The following ANKRD46 variants were observed in gnomAD, a reference collection of about 807,000 sequenced individuals.
ANKRD46 encodes the protein ankyrin repeat domain-containing protein 46.
Under a neutral mutation model 19.8 loss-of-function variants are expected in ANKRD46, and 13 were observed. That is an observed-to-expected ratio of 0.66 (90% CI 0.43 to 1.04). The LOEUF (loss-of-function observed/expected upper bound fraction) is 1.04. Ranked by LOEUF, ANKRD46 falls within the 50% of genes least tolerant of loss-of-function variation. The pLI is 0.00. For synonymous variants in ANKRD46, 91 were observed against 106.9 expected, an observed-to-expected ratio of 0.85 and a Z score of 0.92; for missense variants, 185 against 274.8, an observed-to-expected ratio of 0.67 and a Z score of 2.31.
At position 100,550,221 on chromosome 8, in the gene ANKRD46, T is replaced by G. The variant is rs1434580278; in HGVS notation, c.-131+9490A>C. ...CTGGATGGTAAGAGTATGTTTAGTT[T>G]TTTTAAGAAACCACCAAATTGTCTC... On this transcript the variant is annotated intron_variant, in intron 1 of 4. Transcript: ENST00000335659. The surrounding 1 kb of genome is among the most constrained non-coding windows in gnomAD (Gnocchi z 4.4). Among the ~76,000 whole-genome samples, 1 of 152,226 alleles carries G rather than the reference T, an allele frequency of 6.6e-6. No individual in the cohort carries two copies. Among genetic ancestry groups the G allele is most frequent in the East Asian group, 1.9e-4 (1 of 5,204 alleles).
chr8:100,517,825 T>C (rs1022182440), downstream of ANKRD46, among the ~76,000 whole-genome samples: 2 of 152,234 alleles, frequency 1.3e-5, no homozygotes, highest in Admixed American at 6.5e-5. Flanking sequence ...CCCCAAATGT[T>C]CTATTAACTT....
chr8:100,513,816 C>T (rs974613486), intron 5 of ANKRD46, among the ~76,000 whole-genome samples: 1 of 152,196 alleles, frequency 6.6e-6, no homozygotes, highest in East Asian at 1.9e-4. Flanking sequence ...AAACTTGAAT[C>T]ACAGTCTAAA....
intron 1 of ANKRD46, among the ~76,000 whole-genome samples, chr8:100,553,416 T>G (rs1285674939): frequency 6.6e-6 from 1 of 152,230 alleles, no homozygotes; most frequent in Non-Finnish European, 1.5e-5. Context: ...CTATATAAAC[T>G]GTTTCAACAA....
downstream of ANKRD46, among the ~76,000 whole-genome samples, chr8:100,516,119 G>C (rs1021123833): frequency 2.0e-5 from 3 of 152,082 alleles, no homozygotes; most frequent in African/African-American, 4.8e-5. Flanking sequence ...TGATCCACCC[G>C]CCTCGGCCTC....
rs1215615903 is a variant in ANKRD46 at position 100,557,808 on chromosome 8, G to T, written c.-131+1903C>A. On this transcript the variant is annotated intron_variant, in intron 1 of 4. Transcript: ENST00000335659. The surrounding 1 kb of genome is among the most constrained non-coding windows in gnomAD (Gnocchi z 5.9). ...GGCGGTCCCCAACGCCTTCAGTTTTGCTTGAGTCTTTTCCATGGCACCAGT... is the reference window on the plus strand; with the variant it reads ...GGCGGTCCCCAACGCCTTCAGTTTTTCTTGAGTCTTTTCCATGGCACCAGT... Among the ~76,000 whole-genome samples the T allele has an allele frequency of 2.6e-5, 4 of 152,204 alleles. No homozygotes were observed. The highest frequency in any genetic ancestry group is 9.7e-5 in the African/African-American group (4 of 41,444).
chr8:100,558,638 A>G (rs1429840918), intron 1 of ANKRD46, among the ~76,000 whole-genome samples: 4 of 152,210 alleles, frequency 2.6e-5, no homozygotes, highest in African/African-American at 9.6e-5. Context: ...CCTGAGAGAA[A>G]TCAGTTCAGG....
At chr8:100,517,492 G>A (rs148068421), downstream of ANKRD46, among the ~76,000 whole-genome samples, 67 of 152,324 alleles carry the variant, frequency 4.4e-4, no homozygotes, top group South Asian at 6.8e-3. Context: ...GTGTTGGGTA[G>A]CAAGGAACTC....
chr8:100,514,396 A>G (rs1044584976), intron 5 of ANKRD46, among the ~76,000 whole-genome samples: 5 of 152,282 alleles, frequency 3.3e-5, no homozygotes, highest in African/African-American at 1.2e-4. Flanking sequence ...GAGATTTACT[A>G]TTGTGCATTT....
In ANKRD46 at chr8:100,536,920, G is replaced by A. The variant is rs1812075154; in HGVS notation, c.-130-3609C>T. Among the ~76,000 whole-genome samples the A allele has an allele frequency of 6.6e-6, 1 of 152,212 alleles. No individual in the cohort carries two copies. The highest frequency in any genetic ancestry group is 2.4e-5 in the African/African-American group (1 of 41,450). ...GCACTGCCTGAGAGACTTGAAGATG[G>A]AGTCATTTATCCTTTCACATGACGC... On this transcript the variant is annotated intron_variant, in intron 1 of 4. Transcript: ENST00000335659. The surrounding 1 kb of genome is among the most constrained non-coding windows in gnomAD (Gnocchi z 4.9).
intron 5 of ANKRD46, among the ~76,000 whole-genome samples, chr8:100,512,043 A>G (rs1417008915): frequency 6.6e-6 from 1 of 152,168 alleles, no homozygotes; most frequent in Non-Finnish European, 1.5e-5. Flanking sequence ...GAACAAAAAG[A>G]CAATAAAGAA....
chr8:100,520,563 T>G (rs116385174), downstream of ANKRD46, among the ~76,000 whole-genome samples: 1,756 of 152,230 alleles, frequency 0.012, 37 homozygotes, highest in African/African-American at 0.04. Flanking sequence ...TTGTGGTAGT[T>G]ATGATCATCA....
At chr8:100,513,467 T>A (rs1811581384) in intron 5 of ANKRD46, among the ~76,000 whole-genome samples, 1 of 152,248 alleles carries the variant, frequency 6.6e-6, no homozygotes, top group Non-Finnish European at 1.5e-5. Flanking sequence ...AGGTTCCTAT[T>A]ATTTGTTTTA....
At chr8:100,535,980 A>G (rs747738055) in intron 1 of ANKRD46, among the ~76,000 whole-genome samples, 10 of 151,770 alleles carry the variant, frequency 6.6e-5, no homozygotes, top group Non-Finnish European at 1.3e-4. Context: ...GAAGATGTCT[A>G]TTTCCCCCAT....
intron 1 of ANKRD46, among the ~76,000 whole-genome samples, chr8:100,541,867 CAGTAT>C (rs1812181805): frequency 6.6e-6 from 1 of 152,152 alleles, no homozygotes; most frequent in African/African-American, 2.4e-5. Flanking sequence ...ATATTTGCCA[CAGTAT>C]TAAAACTGCC....
In ANKRD46 at chr8:100,545,248, AT is replaced by A. The variant is rs1225640760; in HGVS notation, c.-130-11938del. Among the ~76,000 whole-genome samples, 1 of 152,084 alleles carries A rather than the reference AT, an allele frequency of 6.6e-6. No homozygotes were observed. The highest frequency in any genetic ancestry group is 1.5e-5 in the Non-Finnish European group (1 of 68,008). On this transcript the variant is annotated intron_variant, in intron 1 of 4. Transcript: ENST00000335659. The surrounding 1 kb of genome is among the most constrained non-coding windows in gnomAD (Gnocchi z 4.7). ...GCTGAGGTGGGAGGATAGTGATTTA[AT>A]TTGGCTTTGTGTCCTCACTCAAATC... is the stretch of plus-strand genomic sequence containing the variant.
Position 100,535,682 on chromosome 8 carries a change from T to A in ANKRD46, c.-130-2371A>T, listed in dbSNP as rs1812051520. On this transcript the variant is annotated intron_variant, in intron 1 of 4. Transcript: ENST00000335659. ...TACAGGAACCTTTTGGGATTGGTCTTTTCACTCAGTATAATTCTCTGGAGA... is the reference window on the plus strand; with the variant it reads ...TACAGGAACCTTTTGGGATTGGTCTATTCACTCAGTATAATTCTCTGGAGA... 3.3e-5 allele frequency among the ~76,000 whole-genome samples: 5 copies of A among 152,210 alleles called. No homozygotes were observed. The South Asian group carries it at 1.0e-3, about 32-fold the overall frequency.
rs1268950867 is a variant in ANKRD46 at position 100,545,707 on chromosome 8, G to C, written c.-130-12396C>G. ...GGCAAAGGTTGGAACAGTTTGGGGG[G>C]CTCAGAAGATATGGGAAAGTCTGGA... On this transcript the variant is annotated intron_variant, in intron 1 of 4. Transcript: ENST00000335659. The surrounding 1 kb of genome is among the most constrained non-coding windows in gnomAD (Gnocchi z 4.7). Among the ~76,000 whole-genome samples the C allele has an allele frequency of 6.6e-6, 1 of 152,162 alleles. No individual in the cohort carries two copies. The highest frequency in any genetic ancestry group is 6.5e-5 in the Admixed American group (1 of 15,286).
At chr8:100,551,959 G>A (rs1331875103) in intron 1 of ANKRD46, among the ~76,000 whole-genome samples, 3 of 152,024 alleles carry the variant, frequency 2.0e-5, no homozygotes, top group Admixed American at 1.3e-4. Context: ...AGACCAGCCT[G>A]GCCAACATGG....
At chr8:100,523,128 G>A (rs1242816292) in intron 4 of ANKRD46, among the ~76,000 whole-genome samples, 1 of 150,588 alleles carries the variant, frequency 6.6e-6, no homozygotes, top group Non-Finnish European at 1.5e-5. Context: ...AGGAGTTCGG[G>A]ACCAGCCTGG....
Sources: gnomAD v4.1 joint callset for allele counts (sites outside exome capture counted in the v4.1 genomes callset) on GRCh38, gnomAD v4.1.1 for gene constraint, Gnocchi (gnomAD v3.1) non-coding constraint, MANE v1.5 for transcripts, NCBI Gene and HGNC (gene_info 2026-07-23, HGNC 2026-07-21) for gene names.